The following PCDH9 variants were observed in gnomAD, a reference collection of about 807,000 sequenced individuals.
The protein encoded by PCDH9 is protocadherin 9, also known as protocadherin-9.
In PCDH9, 24 loss-of-function variants were observed where a neutral mutation model predicts 70.6. That is an observed-to-expected ratio of 0.34 (90% CI 0.25 to 0.48). The LOEUF is 0.48. Among genes scored for constraint, PCDH9 ranks in the 20% least tolerant of loss-of-function variants. PCDH9 has a pLI of 0.99. For missense variants in PCDH9, 1,281 were observed against 1,503.6 expected (o/e 0.85, Z 2.45); for synonymous variants, 562 against 558.5 (o/e 1.01, Z -0.09).
intron 3 of PCDH9, among the ~76,000 whole-genome samples, chr13:66,799,239 G>A (rs2080290479): frequency 1.3e-5 from 2 of 152,122 alleles, no homozygotes; most frequent in South Asian, 4.1e-4. Flanking sequence ...TTGCTAAGTT[G>A]GAAAGCGTTG....
intron 4 of PCDH9, among the ~76,000 whole-genome samples, chr13:66,564,458 A>T (rs1391274487): frequency 6.6e-6 from 1 of 152,074 alleles, no homozygotes; most frequent in Non-Finnish European, 1.5e-5. Flanking sequence ...GACCCACCAC[A>T]CTAGTCATTG....
chr13:66,941,312 A>G (rs1221969626), intron 2 of PCDH9, among the ~76,000 whole-genome samples: 1 of 151,802 alleles, frequency 6.6e-6, no homozygotes, highest in African/African-American at 2.4e-5. Flanking sequence ...ACATATTATA[A>G]AATAATCCAA....
chr13:66,955,729 A>T (rs1296533275), intron 2 of PCDH9, among the ~76,000 whole-genome samples: 2 of 152,220 alleles, frequency 1.3e-5, no homozygotes, highest in Admixed American at 6.5e-5. Flanking sequence ...GATACATTTT[A>T]AAGATCACTT....
At chr13:66,684,974 A>C (rs923843442) in intron 3 of PCDH9, among the ~76,000 whole-genome samples, 3 of 152,128 alleles carry the variant, frequency 2.0e-5, no homozygotes, top group South Asian at 2.1e-4. Context: ...AAAAGCAATC[A>C]GTTTTATGTA....
chr13:67,222,139 T>C (rs577189689), intron 2 of PCDH9: 2 of 152,238 alleles, frequency 1.3e-5, no homozygotes, highest in South Asian at 2.1e-4. Flanking sequence ...AGACCATTTT[T>C]CTTTTAGGCA....
intron 4 of PCDH9, among the ~76,000 whole-genome samples, chr13:66,418,719 G>T (rs1957506183): frequency 6.6e-6 from 1 of 151,902 alleles, no homozygotes; most frequent in Non-Finnish European, 1.5e-5. Context: ...ACTAGCAGAG[G>T]ACAAGAAATA....
At chr13:66,679,686 T>C (rs1190512110) in intron 3 of PCDH9, among the ~76,000 whole-genome samples, 1 of 151,966 alleles carries the variant, frequency 6.6e-6, no homozygotes, top group African/African-American at 2.4e-5. Flanking sequence ...AAATCCCCAA[T>C]AGATTATTTA....
intron 3 of PCDH9, among the ~76,000 whole-genome samples, chr13:66,792,884 T>C (rs890078674): frequency 3.3e-5 from 5 of 152,078 alleles, no homozygotes; most frequent in African/African-American, 1.2e-4. Context: ...TCAAGCAACC[T>C]GAGTAGTTAC....
At chr13:66,626,757 CA>C (rs2077504556) in intron 4 of PCDH9, among the ~76,000 whole-genome samples, 4 of 152,096 alleles carry the variant, frequency 2.6e-5, no homozygotes, top group Admixed American at 2.6e-4. Flanking sequence ...ACATTATTTA[CA>C]CAAAACCTAT....
In PCDH9 at chr13:66,961,976, G is replaced by A. The variant is rs370570238; in HGVS notation, c.3037-58371C>T. Among the ~76,000 whole-genome samples the A allele has an allele frequency of 1.0e-3, 152 of 152,074 alleles. 2 individuals are homozygous for A. In the Middle Eastern group the frequency reaches 0.024, roughly 24 times the overall value. The stretch of plus-strand genomic sequence containing the variant: ...TGAGACAGGAGAATTGCTTGAATCC[G>A]GGAGGTGGAGGTTGCAGTGAGCCGA... On this transcript the variant is annotated intron_variant, in intron 2 of 4. Transcript: ENST00000377865.
intron 3 of PCDH9, among the ~76,000 whole-genome samples, chr13:66,779,841 C>CTATATA (rs1461666323): frequency 0.018 from 470 of 26,012 alleles, 1 homozygote; most frequent in South Asian, 0.052. Flanking sequence ...CTCTCTCTCT[C>CTATATA]TCTCTCTCTA....
At chr13:66,718,763 A>T (rs1318101427) in intron 3 of PCDH9, among the ~76,000 whole-genome samples, 2 of 152,240 alleles carry the variant, frequency 1.3e-5, no homozygotes, top group African/African-American at 2.4e-5. Context: ...CACCAGGGTT[A>T]ACACTTCCTA....
intron 4 of PCDH9, among the ~76,000 whole-genome samples, chr13:66,319,127 T>C (rs1955705841): frequency 6.6e-6 from 1 of 152,180 alleles, no homozygotes; most frequent in Admixed American, 6.5e-5. Flanking sequence ...ATCAAGGACC[T>C]TCTTCACAAG....
intron 4 of PCDH9, among the ~76,000 whole-genome samples, chr13:66,333,207 G>T (rs187932263): frequency 6.6e-6 from 1 of 152,174 alleles, no homozygotes; most frequent in Non-Finnish European, 1.5e-5. Context: ...AGTATGTGTA[G>T]ATTTGAAGGA....
intron 3 of PCDH9, among the ~76,000 whole-genome samples, chr13:66,779,849 C>CTCTCTCTATATA (rs1395244975): frequency 8.2e-4 from 65 of 78,894 alleles, no homozygotes; most frequent in African/African-American, 2.4e-3. Context: ...CTCTCTCTCT[C>CTCTCTCTATATA]TATATATATA....
At chr13:66,613,324 T>C (rs1255403846) in intron 4 of PCDH9, among the ~76,000 whole-genome samples, 1 of 152,224 alleles carries the variant, frequency 6.6e-6, no homozygotes, top group Non-Finnish European at 1.5e-5. Context: ...ACCACTTGCA[T>C]GAGAATAAGA....
intron 2 of PCDH9, among the ~76,000 whole-genome samples, chr13:66,926,871 G>T (rs2082725706): frequency 6.6e-6 from 1 of 151,968 alleles, no homozygotes; most frequent in African/African-American, 2.4e-5. Context: ...AGTGAAGCAT[G>T]ACATAAAGAG....
chr13:67,180,437 G>A (rs980338699), intron 2 of PCDH9, among the ~76,000 whole-genome samples: 1 of 152,012 alleles, frequency 6.6e-6, no homozygotes, highest in Non-Finnish European at 1.5e-5. Context: ...CTCCTGTATG[G>A]CTCACTGAAA....
chr13:66,577,221 T>C (rs1304115711), intron 4 of PCDH9, among the ~76,000 whole-genome samples: 1 of 151,896 alleles, frequency 6.6e-6, no homozygotes, highest in Non-Finnish European at 1.5e-5. Flanking sequence ...TTACCATGTA[T>C]ACTATTTGCC....
Sources: gnomAD v4.1 joint callset for allele counts (sites outside exome capture counted in the v4.1 genomes callset) on GRCh38, gnomAD v4.1.1 for gene constraint, MANE v1.5 for transcripts, NCBI Gene and HGNC (gene_info 2026-07-23, HGNC 2026-07-21) for gene names.